Variants in RFX4 observed in about 807,000 individuals in gnomAD.
RFX4 encodes the protein regulatory factor X4.
RFX4 carries 10 observed loss-of-function variants against 95.0 expected under a neutral mutation model. The ratio of observed to expected loss-of-function variants is 0.11; its 90% CI spans 0.06 to 0.18. The LOEUF (loss-of-function observed/expected upper bound fraction) is 0.18. Among genes scored for constraint, RFX4 ranks in the 10% least tolerant of loss-of-function variants. The probability of loss-of-function intolerance (pLI) is 1.00; values close to 1 mark genes in which losing one functional copy is unlikely to be tolerated. For synonymous variants in RFX4, 321 were observed against 340.7 expected, an observed-to-expected ratio of 0.94 and a Z score of 0.64; for missense variants, 640 against 922.0, an observed-to-expected ratio of 0.69 and a Z score of 3.96.
chr12:106,589,218 T>C (rs1399732989), intron 1 of RFX4, among the ~76,000 whole-genome samples: 1 of 152,102 alleles, frequency 6.6e-6, no homozygotes, highest in Non-Finnish European at 1.5e-5. Flanking sequence ...CAGGTAAAAG[T>C]GAAGTTTAAA....
intron 1 of RFX4, 69 bp from the exon 2 acceptor site, chr12:106,608,728 C>T: frequency 7.2e-7 from 1 of 1,386,294 alleles, no homozygotes; most frequent in Non-Finnish European, 9.8e-7. Context: ...TTCACAAACA[C>T]CCACAGCAAT....
intron 1 of RFX4, 52 bp downstream of exon 1, chr12:106,583,415 G>C (rs770957084): frequency 3.3e-6 from 5 of 1,497,220 alleles, no homozygotes; most frequent in Middle Eastern, 1.8e-4. Context: ...AAGGAGAAGG[G>C]AGAGGGGGAA....
At chr12:106,626,894 G>C (rs2040312062) in intron 2 of RFX4, among the ~76,000 whole-genome samples, 1 of 151,990 alleles carries the variant, frequency 6.6e-6, no homozygotes, top group Admixed American at 6.6e-5. Context: ...TGTATCCTAG[G>C]CGGGAGTCCA....
chr12:106,604,835 T>C (rs1019098363), intron 1 of RFX4, among the ~76,000 whole-genome samples: 1 of 152,224 alleles, frequency 6.6e-6, no homozygotes, highest in Non-Finnish European at 1.5e-5. Flanking sequence ...TAGGAAAAGT[T>C]CGAATACAAA....
At chr12:106,634,408 G>A (rs1032212531) in intron 2 of RFX4, among the ~76,000 whole-genome samples, 18 of 152,228 alleles carry the variant, frequency 1.2e-4, no homozygotes, top group African/African-American at 3.6e-4. Flanking sequence ...ACAGCCAAGG[G>A]CAACCTTTCC....
At chr12:106,602,735 T>A (rs2039738181) in intron 1 of RFX4, among the ~76,000 whole-genome samples, 1 of 152,178 alleles carries the variant, frequency 6.6e-6, no homozygotes, top group South Asian at 2.1e-4. Context: ...GCTCATAGGC[T>A]CTTTCTTCCC....
intron 3 of RFX4, among the ~76,000 whole-genome samples, chr12:106,642,445 G>C (rs1324348995): frequency 6.6e-6 from 1 of 151,922 alleles, no homozygotes; most frequent in African/African-American, 2.4e-5. Context: ...GTGAGACCCT[G>C]TCTCTGCAAA....
Position 106,696,384 on chromosome 12 carries a change from C to T in RFX4, c.771C>T (p.Ser257=), listed in dbSNP as rs1265992055. The stretch of plus-strand genomic sequence containing the variant: ...TGAACATTGTCGGCGTGTGTGACTC[C>T]ATCCTCTACAAAGCTATCTCCGGGG... ...TVVNIVGVCD[S]ILYKAISGVL... The change falls in exon 8 of 18, where the codon TCC becomes TCT. Residue 257 remains serine, a synonymous_variant. Coordinates refer to ENST00000392842, the MANE Select transcript of RFX4 (RefSeq NM_213594.3). 5.0e-6 allele frequency: 8 copies of T among 1,614,058 alleles called. No individual in the cohort carries two copies. Among genetic ancestry groups the T allele is most frequent in the Non-Finnish European group, 8.5e-7 (1 of 1,180,032 alleles).
chr12:106,597,089 C>T (rs1260389592), intron 1 of RFX4, among the ~76,000 whole-genome samples: 1 of 152,156 alleles, frequency 6.6e-6, no homozygotes, highest in Admixed American at 6.5e-5. Flanking sequence ...CATTTCTTTC[C>T]CTCCCTCCTT....
chr12:106,647,400 T>C (rs182400282), intron 3 of RFX4, among the ~76,000 whole-genome samples: 43 of 152,300 alleles, frequency 2.8e-4, no homozygotes, highest in African/African-American at 1.0e-3. Flanking sequence ...ACTCATCTTG[T>C]GGGGGTAGTG....
intron 1 of RFX4, 139 bp from the exon 2 acceptor site, chr12:106,608,658 C>A (rs2039888255): frequency 2.5e-6 from 2 of 792,576 alleles, no homozygotes; most frequent in South Asian, 1.9e-5. Flanking sequence ...CCAATCTGGG[C>A]AGATGCCACA....
chr12:106,693,623 C>T lies in RFX4; in HGVS notation c.670-2660C>T, dbSNP rs138328712. Reference sequence around the variant, plus strand: ...CAGGGAATGAGCTGGGATCAGGGGACAGTGGAGGGTCCTCTGGAGGGCAAG... The same window carrying T: ...CAGGGAATGAGCTGGGATCAGGGGATAGTGGAGGGTCCTCTGGAGGGCAAG... On this transcript the variant is annotated intron_variant, in intron 7 of 17. Transcript: ENST00000392842. Among the ~76,000 whole-genome samples, 715 of 152,278 alleles carry T rather than the reference C, an allele frequency of 4.7e-3. 5 individuals carry two copies. Among genetic ancestry groups the T allele is most frequent in the Non-Finnish European group, 7.1e-3 (486 of 68,028 alleles).
intron 2 of RFX4, among the ~76,000 whole-genome samples, chr12:106,631,477 G>A (rs1467787624): frequency 1.3e-5 from 2 of 152,200 alleles, no homozygotes; most frequent in East Asian, 3.8e-4. Context: ...CCCCCTATGT[G>A]ATGGTATTTG....
intron 4 of RFX4, among the ~76,000 whole-genome samples, chr12:106,671,235 G>A (rs1703707793): frequency 6.6e-6 from 1 of 152,084 alleles, no homozygotes; most frequent in Non-Finnish European, 1.5e-5. Context: ...TCTTGTTGAT[G>A]GCAAATCTTT....
intron 16 of RFX4, among the ~76,000 whole-genome samples, chr12:106,749,770 A>G (rs1204095582): frequency 6.6e-6 from 1 of 152,164 alleles, no homozygotes; most frequent in African/African-American, 2.4e-5. Flanking sequence ...GATGTGAGAA[A>G]CAGGGTCATG....
chr12:106,747,927 TA>T (rs10624179), intron 16 of RFX4, among the ~76,000 whole-genome samples: 3,367 of 126,294 alleles, frequency 0.027, 128 homozygotes, highest in African/African-American at 0.086. Flanking sequence ...GACGCCGTCT[TA>T]AAAAAAAAAA....
At chr12:106,609,677 C>A (rs2039915555) in intron 2 of RFX4, among the ~76,000 whole-genome samples, 1 of 152,158 alleles carries the variant, frequency 6.6e-6, no homozygotes, top group Non-Finnish European at 1.5e-5. Context: ...CATGTCACTT[C>A]ATTTTATAAA....
intron 2 of RFX4, among the ~76,000 whole-genome samples, chr12:106,615,902 T>G (rs2137223459): frequency 6.6e-6 from 1 of 152,372 alleles, no homozygotes; most frequent in South Asian, 2.1e-4. Flanking sequence ...TCATGTCACC[T>G]GAGAATAATG....
At chr12:106,615,183 C>CT (rs1268294944) in intron 2 of RFX4, among the ~76,000 whole-genome samples, 1 of 151,774 alleles carries the variant, frequency 6.6e-6, no homozygotes, top group African/African-American at 2.4e-5. Context: ...AATCAAAGTT[C>CT]TTTTTTTTCT....
Sources: gnomAD v4.1 joint callset for allele counts (sites outside exome capture counted in the v4.1 genomes callset) on GRCh38, gnomAD v4.1.1 for gene constraint, MANE v1.5 for transcripts, NCBI Gene and HGNC (gene_info 2026-07-23, HGNC 2026-07-21) for gene names.